Variants in CFAP47 observed in about 807,000 individuals in gnomAD.
The protein encoded by CFAP47 is cilia and flagella associated protein 47.
Under a neutral mutation model 148.1 loss-of-function variants are expected in CFAP47, and 29 were observed. The observed-to-expected ratio is 0.20, with a 90% confidence interval of 0.15 to 0.27. CFAP47 has a LOEUF of 0.27. Ranked by LOEUF, CFAP47 falls within the 10% of genes least tolerant of loss-of-function variation. The probability of loss-of-function intolerance (pLI) is 1.00; values close to 1 mark genes in which losing one functional copy is unlikely to be tolerated. For missense variants in CFAP47, 1,872 were observed against 1,697.5 expected (o/e 1.10, Z -1.81); for synonymous variants, 664 against 577.3 (o/e 1.15, Z -2.15).
chrX:36,329,898 AAGTAGC>A (rs1305310911), intron 57 of CFAP47, among the ~76,000 whole-genome samples: 2 of 112,056 alleles, frequency 1.8e-5, no homozygotes, highest in Non-Finnish European at 3.8e-5. Context: ...CAAACATGAC[AAGTAGC>A]AATAGCACAG....
chrX:36,169,780 A>G (rs1224016646), intron 39 of CFAP47, among the ~76,000 whole-genome samples: 2 of 111,444 alleles, frequency 1.8e-5, no homozygotes, highest in South Asian at 7.6e-4. Context: ...CTCATGTTTC[A>G]TCAGGCTTTT....
At chrX:36,337,730 C>T (rs7880333) in intron 57 of CFAP47, among the ~76,000 whole-genome samples, 670 of 110,429 alleles carry the variant, frequency 6.1e-3, no homozygotes, top group African/African-American at 0.021. Flanking sequence ...TGTGCCTTGC[C>T]TTCCCTCACA....
intron 27 of CFAP47, among the ~76,000 whole-genome samples, chrX:36,069,957 A>G (rs1352999593): frequency 8.9e-6 from 1 of 112,070 alleles, no homozygotes; most frequent in Admixed American, 9.5e-5. Flanking sequence ...TTTGCATTCC[A>G]CTGGGAACTT....
intron 24 of CFAP47, among the ~76,000 whole-genome samples, chrX:36,037,438 C>T (rs1023497557): frequency 2.7e-5 from 3 of 110,299 alleles, no homozygotes; most frequent in Non-Finnish European, 5.7e-5. Flanking sequence ...TCTCAGCTCA[C>T]TGCAACATTT....
intron 37 of CFAP47, among the ~76,000 whole-genome samples, chrX:36,152,453 G>C (rs975039524): frequency 9.0e-6 from 1 of 111,416 alleles, no homozygotes; most frequent in Admixed American, 9.6e-5. Context: ...CTCCTTCCTT[G>C]ATGGGGTACA....
chrX:35,969,508 A>C (rs1346201324), intron 10 of CFAP47, among the ~76,000 whole-genome samples: 1 of 111,652 alleles, frequency 9.0e-6, no homozygotes, highest in Non-Finnish European at 1.9e-5. Context: ...TAAAAAACTT[A>C]TCCTCCTTAA....
At chrX:36,185,162 G>A (rs781828102) in intron 40 of CFAP47, among the ~76,000 whole-genome samples, 2 of 110,501 alleles carry the variant, frequency 1.8e-5, no homozygotes, top group Non-Finnish European at 3.8e-5. Flanking sequence ...TGGCAGGTTC[G>A]GTGTCTGGTA....
At chrX:36,219,491 A>G (rs1354520657) in intron 45 of CFAP47, among the ~76,000 whole-genome samples, 9 of 111,069 alleles carry the variant, frequency 8.1e-5, no homozygotes, top group Non-Finnish European at 1.7e-4. Flanking sequence ...GGTTGGGGTT[A>G]TATTTTTGGC....
intron 63 of CFAP47, among the ~76,000 whole-genome samples, chrX:36,383,823 T>G (rs1942101859): frequency 8.9e-6 from 1 of 111,926 alleles, no homozygotes; most frequent in East Asian, 2.8e-4. Flanking sequence ...ATGAGTTTTC[T>G]GAGTATACGT....
At chrX:36,284,050 C>T (rs2146946398) in intron 50 of CFAP47, among the ~76,000 whole-genome samples, 1 of 112,076 alleles carries the variant, frequency 8.9e-6, no homozygotes, top group South Asian at 3.7e-4. Context: ...AGGGAAAACA[C>T]TTTTCATTTT....
intron 48 of CFAP47, among the ~76,000 whole-genome samples, chrX:36,237,311 T>A (rs1460968141): frequency 2.7e-5 from 3 of 112,050 alleles, no homozygotes; most frequent in African/African-American, 9.7e-5. Flanking sequence ...TTTACTTATT[T>A]ATTTTTTGTT....
At chrX:36,307,143 T>A (rs1556009007) in intron 55 of CFAP47, among the ~76,000 whole-genome samples, 1 of 111,348 alleles carries the variant, frequency 9.0e-6, no homozygotes, top group Non-Finnish European at 1.9e-5. Context: ...ACATATCAAA[T>A]CACTGGCATT....
chrX:35,924,246 TGCATATGG>T (rs1286789493), intron 1 of CFAP47, among the ~76,000 whole-genome samples: 10 of 90,727 alleles, frequency 1.1e-4, no homozygotes, highest in Admixed American at 4.7e-4. Flanking sequence ...CATGTATGTG[TGCATATGG>T]ACATGTATGT....
At chrX:36,210,628 G>T (rs782409275) in intron 45 of CFAP47, among the ~76,000 whole-genome samples, 10 of 112,058 alleles carry the variant, frequency 8.9e-5, no homozygotes, top group African/African-American at 3.2e-4. Flanking sequence ...CATATGATTT[G>T]CAAGTATTTT....
At chrX:36,303,143 A>G (rs1941314122) in intron 53 of CFAP47, among the ~76,000 whole-genome samples, 1 of 111,656 alleles carries the variant, frequency 9.0e-6, no homozygotes, top group African/African-American at 3.3e-5. Flanking sequence ...TGAAACCTGT[A>G]AGGGATAATT....
At chrX:35,992,009 A>G (rs1479052100) in intron 17 of CFAP47, 66 bp downstream of exon 17, 3 of 283,123 alleles carry the variant, frequency 1.1e-5, no homozygotes, top group Non-Finnish European at 1.9e-5. Context: ...TGTGAAGTTA[A>G]TACTTTATTC....
In CFAP47 at chrX:36,352,302, C is replaced by T. The variant is rs781854992; in HGVS notation, c.8699-1227C>T. 3.5e-4 allele frequency among the ~76,000 whole-genome samples: 39 copies of T among 111,146 alleles called. No homozygotes were observed. The South Asian group carries it at 0.013, about 36-fold the overall frequency. On this transcript the variant is annotated intron_variant, in intron 59 of 63. Transcript: ENST00000378653. ...AACCAGAAAAGCTTGTACAGTTTTT[C>T]CTAGCCATTTTAAACCGTTTAATTT...
At chrX:36,287,717 G>A (rs1489442465) in intron 51 of CFAP47, among the ~76,000 whole-genome samples, 1 of 111,361 alleles carries the variant, frequency 9.0e-6, no homozygotes, top group African/African-American at 3.3e-5. Flanking sequence ...AGGCTATCGT[G>A]GCTAGTGATG....
intron 42 of CFAP47, among the ~76,000 whole-genome samples, chrX:36,198,844 C>T (rs950569841): frequency 9.0e-6 from 1 of 111,372 alleles, no homozygotes; most frequent in Non-Finnish European, 1.9e-5. Context: ...ATGCCTTTGG[C>T]TGGGCAGGGA....
Sources: allele counts gnomAD v4.1 joint callset (sites outside exome capture counted in the v4.1 genomes callset), GRCh38; gene constraint gnomAD v4.1.1; transcripts MANE v1.5; gene names NCBI Gene and HGNC (gene_info 2026-07-23, HGNC 2026-07-21).